ARHGAP23: variants seen among roughly 807,000 people sequenced by gnomAD.
ARHGAP23 encodes rho GTPase-activating protein 23.
Under a neutral mutation model 136.3 loss-of-function variants are expected in ARHGAP23, and 34 were observed. That is an observed-to-expected ratio of 0.25 (90% CI 0.19 to 0.33). The LOEUF (loss-of-function observed/expected upper bound fraction) is 0.33. Ranked by LOEUF, ARHGAP23 falls within the 10% of genes least tolerant of loss-of-function variation. The pLI, the probability that ARHGAP23 is intolerant of heterozygous loss-of-function variation, is 1.00. For missense variants in ARHGAP23, 1,808 were observed against 2,139.0 expected (o/e 0.85, Z 3.05); for synonymous variants, 832 against 920.5 (o/e 0.90, Z 1.74).
chr17:38,419,834 C>G (rs1342569750), intron 1 of ARHGAP23, among the ~76,000 whole-genome samples: 1 of 152,056 alleles, frequency 6.6e-6, no homozygotes, highest in Non-Finnish European at 1.5e-5. Context: ...TCGTTGACCC[C>G]CAGTCCCTCC....
chr17:38,503,815 G>A (rs2040572184), intron 23 of ARHGAP23, among the ~76,000 whole-genome samples: 1 of 152,170 alleles, frequency 6.6e-6, no homozygotes, highest in Admixed American at 6.5e-5. Flanking sequence ...CGTCTTTACT[G>A]TAAACTGACT....
At chr17:38,479,162 G>A (rs1469795464) in intron 12 of ARHGAP23, among the ~76,000 whole-genome samples, 1 of 152,184 alleles carries the variant, frequency 6.6e-6, no homozygotes, top group Non-Finnish European at 1.5e-5. Context: ...GGACGGTGGC[G>A]AGTGCTGCAT....
chr17:38,454,423 A>G (rs1261400786), intron 1 of ARHGAP23, among the ~76,000 whole-genome samples: 1 of 152,114 alleles, frequency 6.6e-6, no homozygotes, highest in Non-Finnish European at 1.5e-5. Flanking sequence ...GAAGGATGGA[A>G]GGGACCAGAG....
At chr17:38,504,687 C>G (rs112022062) in intron 23 of ARHGAP23, among the ~76,000 whole-genome samples, 2,751 of 152,334 alleles carry the variant, frequency 0.018, 77 homozygotes, top group African/African-American at 0.061. Context: ...TTGGTTCTGT[C>G]TCACATTGCT....
At chr17:38,479,951 GTGTGTGTGTTGGGCTGTGTCTGCTCA>G (rs1567812526) in intron 14 of ARHGAP23, 68 bp downstream of exon 14, 2 of 1,524,468 alleles carry the variant, frequency 1.3e-6, no homozygotes, top group African/African-American at 2.8e-5. Flanking sequence ...GAGGGCACGC[GTGTGTGTGTTGGGCTGTGTCTGCTCA>G]TGTGTGCCTG....
At chr17:38,436,762 T>C (rs1294478461) in intron 1 of ARHGAP23, among the ~76,000 whole-genome samples, 6 of 152,140 alleles carry the variant, frequency 3.9e-5, no homozygotes, top group African/African-American at 1.2e-4. Flanking sequence ...GCCAAAAATA[T>C]TAATGTAAAA....
upstream of ARHGAP23, among the ~76,000 whole-genome samples, chr17:38,427,050 T>C (rs1378701818): frequency 1.3e-5 from 2 of 152,142 alleles, no homozygotes; most frequent in African/African-American, 4.8e-5. Context: ...GGAAAAGGAA[T>C]ATGGAAGCCC....
intron 1 of ARHGAP23, among the ~76,000 whole-genome samples, chr17:38,438,153 T>G (rs2038843465): frequency 6.6e-6 from 1 of 152,040 alleles, no homozygotes; most frequent in Admixed American, 6.6e-5. Flanking sequence ...AAACCCCATC[T>G]CTACTAAAAA....
intron 2 of ARHGAP23, among the ~76,000 whole-genome samples, chr17:38,460,419 C>T (rs1335044901): frequency 6.6e-6 from 1 of 152,180 alleles, no homozygotes; most frequent in Non-Finnish European, 1.5e-5. Context: ...TGCCAGCCAG[C>T]GTCTGCACAC....
At chr17:38,454,558 T>G (rs571340934) in intron 1 of ARHGAP23, among the ~76,000 whole-genome samples, 59 of 152,188 alleles carry the variant, frequency 3.9e-4, no homozygotes, top group African/African-American at 1.4e-3. Flanking sequence ...CCACCCCTGG[T>G]AGGGGACCTG....
chr17:38,445,531 T>A (rs983042371), intron 1 of ARHGAP23, among the ~76,000 whole-genome samples: 1 of 152,026 alleles, frequency 6.6e-6, no homozygotes, highest in African/African-American at 2.4e-5. Context: ...TAACCATTTT[T>A]AACTGTAAAG....
chr17:38,463,511 C>T (rs966036681), intron 6 of ARHGAP23, 129 bp downstream of exon 6: 2 of 1,119,264 alleles, frequency 1.8e-6, no homozygotes, highest in African/African-American at 1.5e-5. Flanking sequence ...ATGCCAGGCC[C>T]CTCCCTGGGC....
intron 6 of ARHGAP23, 64 bp downstream of exon 6, chr17:38,463,446 G>C: frequency 6.5e-7 from 1 of 1,532,980 alleles, no homozygotes; most frequent in Admixed American, 2.0e-5. Context: ...CGGCTCCCCT[G>C]GGAGGCAGAG....
chr17:38,468,615 T>A (rs2039669756), intron 7 of ARHGAP23, among the ~76,000 whole-genome samples: 1 of 152,116 alleles, frequency 6.6e-6, no homozygotes, highest in African/African-American at 2.4e-5. Context: ...CCCCTTCTGC[T>A]AGTAAGGAAG....
chr17:38,454,114 C>T (rs2039265145), intron 1 of ARHGAP23: 1 of 151,116 alleles, frequency 6.6e-6, no homozygotes, highest in African/African-American at 2.4e-5. Context: ...CAGCGACCGC[C>T]GCGCGCCCGG....
At chr17:38,482,338 G>A (rs1433819158) in intron 15 of ARHGAP23, among the ~76,000 whole-genome samples, 185 bp from the exon 16 acceptor site, 1 of 152,246 alleles carries the variant, frequency 6.6e-6, no homozygotes, top group African/African-American at 2.4e-5. Context: ...GGCTGAGCCC[G>A]GCTCCTTCTC....
At position 38,506,004 on chromosome 17, in the gene ARHGAP23, C is replaced by G. The variant is rs539068325; in HGVS notation, c.3448-3940C>G. Among the ~76,000 whole-genome samples the G allele has an allele frequency of 1.7e-3, 261 of 152,288 alleles. 2 individuals are homozygous for G. The highest frequency in any genetic ancestry group is 6.0e-3 in the African/African-American group (249 of 41,550). Reference sequence around the variant, plus strand: ...ATCTACACAAATCCTGTGGCAAGTTCAAGGAGTTTATGGACCCCCAAAGCC... The same window carrying G: ...ATCTACACAAATCCTGTGGCAAGTTGAAGGAGTTTATGGACCCCCAAAGCC... On this transcript the variant is annotated intron_variant, in intron 23 of 23. Coordinates refer to ENST00000622683, the MANE Select transcript of ARHGAP23 (RefSeq NM_001199417.2).
chr17:38,469,626 G>A lies in ARHGAP23; in HGVS notation c.1907G>A (p.Arg636Gln), dbSNP rs1333070555. The change falls in exon 9 of 24, where the codon CGG becomes CAG. Residue 636 changes from arginine (R) to glutamine (Q), a missense_variant. Physicochemically the swap from Arg to Gln is conservative, Grantham distance 43. Transcript: ENST00000622683. ...CTCAACACCTTCCGCGACGAGGGCCGGGTTCTGCGGTGAGGCCCTGTCCGG... is the reference window on the plus strand; with the variant it reads ...CTCAACACCTTCCGCGACGAGGGCCAGGTTCTGCGGTGAGGCCCTGTCCGG... ...DGLNTFRDEG[R>Q]VLRRLPNRIP... is the part of the protein sequence containing the mutation. The A allele has an allele frequency of 7.7e-6, 12 of 1,548,614 alleles. No homozygotes were observed. The highest frequency in any genetic ancestry group is 5.9e-5 in the Admixed American group (3 of 50,970).
intron 3 of ARHGAP23, 86 bp downstream of exon 3, chr17:38,461,018 T>C: frequency 6.7e-7 from 1 of 1,493,138 alleles, no homozygotes; most frequent in South Asian, 1.3e-5. Context: ...AGACTGCCTG[T>C]CCTTTTCTGT....
Sources: gnomAD v4.1 joint callset for allele counts (sites outside exome capture counted in the v4.1 genomes callset) on GRCh38, gnomAD v4.1.1 for gene constraint, MANE v1.5 for transcripts, NCBI Gene and HGNC (gene_info 2026-07-23, HGNC 2026-07-21) for gene names.